TEK: variants seen among roughly 807,000 people sequenced by gnomAD.
TEK encodes the protein angiopoietin-1 receptor.
In TEK, 43 loss-of-function variants were observed where a neutral mutation model predicts 131.8. That is an observed-to-expected ratio of 0.33 (90% CI 0.26 to 0.42). TEK has a LOEUF of 0.42. Ranked by LOEUF, TEK falls within the 10% of genes least tolerant of loss-of-function variation. The probability of loss-of-function intolerance (pLI) is 1.00; values close to 1 mark genes in which losing one functional copy is unlikely to be tolerated. For missense variants in TEK, 1,162 were observed against 1,384.4 expected (o/e 0.84, Z 2.55); for synonymous variants, 580 against 491.6 (o/e 1.18, Z -2.38).
intron 1 of TEK, among the ~76,000 whole-genome samples, chr9:27,122,100 T>A (rs1458966318): frequency 2.0e-5 from 3 of 152,122 alleles, no homozygotes; most frequent in African/African-American, 7.2e-5. Context: ...TGCCCGTCAG[T>A]AGAGAAATGG....
At chr9:27,154,371 G>C (rs1354806667) in intron 1 of TEK, among the ~76,000 whole-genome samples, 7 of 152,174 alleles carry the variant, frequency 4.6e-5, no homozygotes, top group Non-Finnish European at 1.0e-4. Flanking sequence ...ACAGGCATGA[G>C]CCACCGCGCC....
intron 18 of TEK, among the ~76,000 whole-genome samples, chr9:27,215,696 C>G (rs571369218): frequency 2.6e-5 from 4 of 151,850 alleles, no homozygotes; most frequent in Non-Finnish European, 4.4e-5. Context: ...TTTGTTAGTA[C>G]AATGTTTCAT....
chr9:27,131,565 G>A (rs111731362), intron 1 of TEK, among the ~76,000 whole-genome samples: 63 of 151,116 alleles, frequency 4.2e-4, no homozygotes, highest in African/African-American at 1.5e-3. Flanking sequence ...GCTCATGCCT[G>A]TAATCCCCGC....
Position 27,158,071 on chromosome 9 carries a change from G to A in TEK, c.293G>A (p.Gly98Asp). The A allele has an allele frequency of 6.2e-7, 1 of 1,614,142 alleles. No individual in the cohort carries two copies. Among genetic ancestry groups the A allele is most frequent in the Non-Finnish European group, 8.5e-7 (1 of 1,180,014 alleles). The change falls in exon 2 of 23, where the codon GGT becomes GAT. Residue 98 changes from glycine (G) to aspartate (D), a missense_variant. Gly to Asp is a moderately conservative substitution (Grantham distance 94, BLOSUM62 -1). Around this residue, in one of 6 missense-constraint regions of TEK, gnomAD observed 436 missense variants for 539.1 expected, o/e 0.81. Transcript: ENST00000380036. ...AGAGAAAAGGCTAGTAAGATCAATG[G>A]TGCTTATTTCTGTGAAGGGCGAGTT... ...WKREKASKIN[G>D]AYFCEGRVRG...
rs756482007 is a variant in TEK, at chr9:27,192,483, T to C, written c.1490-6T>C. 2.0e-5 allele frequency: 33 copies of C among 1,613,756 alleles called. No homozygotes were observed. Among genetic ancestry groups the C allele is most frequent in the Non-Finnish European group, 2.4e-5 (28 of 1,179,872 alleles). ...CTTAAGTTTCCTGGACGTTTTCTCT[T>C]CTCAGTGACAAATGAGATTGTTACA... On this transcript the variant is annotated splice_region_variant and splice_polypyrimidine_tract_variant and intron_variant, in intron 10 of 22. Coordinates refer to ENST00000380036, the MANE Select transcript of TEK (RefSeq NM_000459.5).
chr9:27,123,880 T>G (rs1020630687), intron 1 of TEK, among the ~76,000 whole-genome samples: 3 of 152,184 alleles, frequency 2.0e-5, no homozygotes, highest in Admixed American at 2.0e-4. Flanking sequence ...AGGTTCAAGC[T>G]ATTCTCCTGC....
At chr9:27,194,723 A>G (rs1048497041) in intron 11 of TEK, among the ~76,000 whole-genome samples, 6 of 152,142 alleles carry the variant, frequency 3.9e-5, no homozygotes, top group Admixed American at 6.5e-5. Flanking sequence ...CTCTCAGAAT[A>G]TTTCAAAGTA....
chr9:27,150,981 T>C (rs1823107912), intron 1 of TEK, among the ~76,000 whole-genome samples: 1 of 152,172 alleles, frequency 6.6e-6, no homozygotes, highest in African/African-American at 2.4e-5. Context: ...ACTGGCTTGG[T>C]ACAACTCCTG....
At chr9:27,194,598 G>A (rs1824941698) in intron 11 of TEK, among the ~76,000 whole-genome samples, 1 of 152,194 alleles carries the variant, frequency 6.6e-6, no homozygotes, top group Non-Finnish European at 1.5e-5. Context: ...TGAGTCAAGA[G>A]GGGAAGAGCA....
intron 21 of TEK, among the ~76,000 whole-genome samples, chr9:27,224,693 G>T (rs1005016491): frequency 1.3e-5 from 2 of 152,152 alleles, no homozygotes; most frequent in African/African-American, 2.4e-5. Context: ...TTGAAAACCG[G>T]CATAAGACAA....
At chr9:27,227,160 C>T (rs1826369521) in intron 21 of TEK, among the ~76,000 whole-genome samples, 1 of 152,188 alleles carries the variant, frequency 6.6e-6, no homozygotes, top group African/African-American at 2.4e-5. Flanking sequence ...GCCTTCCATG[C>T]ACATAAGGTT....
At chr9:27,224,205 C>T (rs1826210888) in intron 21 of TEK, among the ~76,000 whole-genome samples, 1 of 152,150 alleles carries the variant, frequency 6.6e-6, no homozygotes, top group South Asian at 2.1e-4. Context: ...GGTACCATTC[C>T]TTCTGCAACT....
chr9:27,136,650 T>C (rs1377270510), intron 1 of TEK, among the ~76,000 whole-genome samples: 1 of 152,036 alleles, frequency 6.6e-6, no homozygotes, highest in Non-Finnish European at 1.5e-5. Context: ...CACACTGAAC[T>C]GACGACTGGA....
intron 14 of TEK, 58 bp from the exon 15 acceptor site, chr9:27,206,524 T>C: frequency 6.5e-7 from 1 of 1,546,356 alleles, no homozygotes; most frequent in South Asian, 1.2e-5. Flanking sequence ...GAAGACATTA[T>C]GCCCCTTAGA....
At chr9:27,148,480 C>T (rs781286078) in intron 1 of TEK, among the ~76,000 whole-genome samples, 1 of 152,220 alleles carries the variant, frequency 6.6e-6, no homozygotes, top group Non-Finnish European at 1.5e-5. Flanking sequence ...GTCTCTCATC[C>T]TCTAGCGGGT....
At chr9:27,189,186 GA>G (rs1824716744) in intron 9 of TEK, among the ~76,000 whole-genome samples, 2 of 152,132 alleles carry the variant, frequency 1.3e-5, no homozygotes, top group African/African-American at 4.8e-5. Context: ...GAGCTCATTG[GA>G]AATTCACTTC....
At chr9:27,127,785 G>A (rs536186564) in intron 1 of TEK, among the ~76,000 whole-genome samples, 4 of 152,220 alleles carry the variant, frequency 2.6e-5, no homozygotes, top group Non-Finnish European at 5.9e-5. Context: ...CTTTTGAGAA[G>A]TGTCTGTTTA....
chr9:27,140,235 GC>G (rs34688197), intron 1 of TEK, among the ~76,000 whole-genome samples: 15,227 of 151,942 alleles, frequency 0.1, 886 homozygotes, highest in African/African-American at 0.15. Context: ...CACTTCATAT[GC>G]CCCACACTGA....
At chr9:27,135,476 C>T (rs564229016) in intron 1 of TEK, among the ~76,000 whole-genome samples, 81 of 152,242 alleles carry the variant, frequency 5.3e-4, no homozygotes, top group Admixed American at 4.5e-3. Context: ...CACAAATCAT[C>T]ATCACCTTTA....
Sources: allele counts gnomAD v4.1 joint callset (sites outside exome capture counted in the v4.1 genomes callset), GRCh38; gene constraint gnomAD v4.1.1; regional missense constraint gnomAD v4.1.1; transcripts MANE v1.5; gene names NCBI Gene and HGNC (gene_info 2026-07-23, HGNC 2026-07-21).